SCAPER: variants seen among roughly 807,000 people sequenced by gnomAD.
SCAPER encodes S phase cyclin A-associated protein in the endoplasmic reticulum.
A neutral mutation model predicts 182.2 loss-of-function variants in SCAPER; 98 were observed. The ratio of observed to expected loss-of-function variants is 0.54; its 90% CI spans 0.46 to 0.64. SCAPER has a LOEUF of 0.64. Among genes scored for constraint, SCAPER ranks in the 30% least tolerant of loss-of-function variants. The probability of loss-of-function intolerance (pLI) is 0.00; values close to 1 mark genes in which losing one functional copy is unlikely to be tolerated. For synonymous variants in SCAPER, 605 were observed against 564.6 expected (o/e 1.07, Z -1.01); for missense variants, 1,432 against 1,690.0 (o/e 0.85, Z 2.68).
Position 76,610,031 on chromosome 15 carries a change from C to G in SCAPER, c.2711+11733G>C, listed in dbSNP as rs558990882. On this transcript the variant is annotated intron_variant, in intron 22 of 31. Coordinates refer to ENST00000563290, the MANE Select transcript of SCAPER (RefSeq NM_020843.4). ...TCCTGAGGGCAGGGCTTGGTAAAAA[C>G]GGAATGCTCTGACATATTACAAAAT... 5.9e-5 allele frequency among the ~76,000 whole-genome samples: 9 copies of G among 152,240 alleles called. No individual in the cohort carries two copies. In the South Asian group the frequency reaches 1.9e-3, roughly 32 times the overall value.
At chr15:76,500,150 T>G (rs140484015) in intron 24 of SCAPER, among the ~76,000 whole-genome samples, 1 of 152,270 alleles carries the variant, frequency 6.6e-6, no homozygotes, top group East Asian at 1.9e-4. Context: ...AAAGCAGAGT[T>G]AAGCCTGGAT....
intron 20 of SCAPER, among the ~76,000 whole-genome samples, chr15:76,687,593 C>T (rs2058100421): frequency 6.6e-6 from 1 of 152,124 alleles, no homozygotes; most frequent in African/African-American, 2.4e-5. Flanking sequence ...CCTCCCCTAG[C>T]ACCCCATCCC....
chr15:76,613,059 T>C (rs2051144053), intron 22 of SCAPER, among the ~76,000 whole-genome samples: 1 of 152,210 alleles, frequency 6.6e-6, no homozygotes, highest in Non-Finnish European at 1.5e-5. Context: ...AGCATGGTAC[T>C]GGTACAATAC....
At chr15:76,407,065 G>C (rs1391064641) in intron 26 of SCAPER, among the ~76,000 whole-genome samples, 1 of 152,172 alleles carries the variant, frequency 6.6e-6, no homozygotes, top group African/African-American at 2.4e-5. Context: ...GCCAAGTAGA[G>C]ATAAGTAGAA....
intron 21 of SCAPER, among the ~76,000 whole-genome samples, chr15:76,651,115 AAAATAT>A (rs1408006902): frequency 6.6e-6 from 1 of 152,130 alleles, no homozygotes; most frequent in Non-Finnish European, 1.5e-5. Context: ...AGGGGAAAAG[AAAATAT>A]AAATATGAAG....
At chr15:76,858,395 A>G (rs1405464716) in intron 3 of SCAPER, among the ~76,000 whole-genome samples, 1 of 152,206 alleles carries the variant, frequency 6.6e-6, no homozygotes, top group East Asian at 1.9e-4. Context: ...CTTTTTTATA[A>G]GAAAGACACC....
At chr15:76,527,896 A>G (rs567963973) in intron 23 of SCAPER, among the ~76,000 whole-genome samples, 2 of 152,284 alleles carry the variant, frequency 1.3e-5, no homozygotes, top group East Asian at 3.9e-4. Context: ...TACTGTGTCA[A>G]GACAACCCAA....
chr15:76,558,796 TAAAG>T (rs1357077463), intron 23 of SCAPER, among the ~76,000 whole-genome samples: 1 of 151,924 alleles, frequency 6.6e-6, no homozygotes, highest in East Asian at 1.9e-4. Flanking sequence ...GTGGACTGGA[TAAAG>T]AAAATGTGAT....
intron 25 of SCAPER, among the ~76,000 whole-genome samples, chr15:76,446,484 G>A (rs1318011913): frequency 1.3e-5 from 2 of 152,190 alleles, no homozygotes; most frequent in South Asian, 4.1e-4. Context: ...AAGAACCTGG[G>A]GAAGTTTTAG....
At chr15:76,615,804 A>G (rs113711681) in intron 22 of SCAPER, among the ~76,000 whole-genome samples, 11,842 of 146,794 alleles carry the variant, frequency 0.081, 563 homozygotes, top group Middle Eastern at 0.12. Flanking sequence ...TGGGTAACAG[A>G]GCGAGATTCC....
chr15:76,835,118 C>G (rs181197158), intron 5 of SCAPER, among the ~76,000 whole-genome samples: 1 of 151,944 alleles, frequency 6.6e-6, no homozygotes, highest in African/African-American at 2.4e-5. Context: ...AAACCAGTAG[C>G]ATTTCTATAC....
At chr15:76,652,462 G>A (rs1203814877) in intron 21 of SCAPER, among the ~76,000 whole-genome samples, 1 of 113,002 alleles carries the variant, frequency 8.8e-6, no homozygotes, top group Non-Finnish European at 1.7e-5. Flanking sequence ...AACCAGCCTG[G>A]CCAACATGGT....
chr15:76,565,663 T>C (rs1462496816), intron 23 of SCAPER, among the ~76,000 whole-genome samples: 1 of 152,130 alleles, frequency 6.6e-6, no homozygotes, highest in Non-Finnish European at 1.5e-5. Context: ...AGAAATTTCC[T>C]TATGCCCCTT....
At chr15:76,738,924 C>A (rs957604576) in intron 15 of SCAPER, among the ~76,000 whole-genome samples, 2 of 152,118 alleles carry the variant, frequency 1.3e-5, no homozygotes, top group African/African-American at 4.8e-5. Flanking sequence ...AGGATTGACA[C>A]AAACATTCAA....
intron 5 of SCAPER, among the ~76,000 whole-genome samples, chr15:76,806,179 A>C (rs1304670795): frequency 6.6e-6 from 1 of 152,248 alleles, no homozygotes; most frequent in Non-Finnish European, 1.5e-5. Context: ...TTCAGCTCTT[A>C]CATTTAGGCT....
intron 21 of SCAPER, among the ~76,000 whole-genome samples, chr15:76,625,997 A>T (rs1024769432): frequency 5.9e-5 from 9 of 152,050 alleles, no homozygotes; most frequent in Middle Eastern, 3.2e-3. Flanking sequence ...GATGAGCTTT[A>T]AAAAAATCAC....
intron 16 of SCAPER, among the ~76,000 whole-genome samples, chr15:76,729,295 T>TACACACACACACACAC (rs57440824): frequency 2.1e-5 from 3 of 144,282 alleles, no homozygotes; most frequent in African/African-American, 7.6e-5. Context: ...TATATACACA[T>TACACACACACACACAC]ACACACACAC....
At chr15:76,379,584 A>C (rs980774956) in intron 28 of SCAPER, 10 of 152,148 alleles carry the variant, frequency 6.6e-5, no homozygotes, top group African/African-American at 2.2e-4. Flanking sequence ...GTAGGGGATA[A>C]GTTTCAAGAT....
intron 29 of SCAPER, among the ~76,000 whole-genome samples, chr15:76,366,086 TACACACAC>T (rs59741618): frequency 0.058 from 8,697 of 149,484 alleles, 285 homozygotes; most frequent in Middle Eastern, 0.095. Flanking sequence ...CTTACACACT[TACACACAC>T]ACACACACAC....
Sources: allele counts gnomAD v4.1 joint callset (sites outside exome capture counted in the v4.1 genomes callset), GRCh38; gene constraint gnomAD v4.1.1; transcripts MANE v1.5; gene names NCBI Gene and HGNC (gene_info 2026-07-23, HGNC 2026-07-21).